The following MAML3 variants were observed in gnomAD, a reference collection of about 807,000 sequenced individuals.
MAML3 encodes mastermind-like protein 3.
MAML3 carries 27 observed loss-of-function variants against 101.9 expected under a neutral mutation model. The ratio of observed to expected loss-of-function variants is 0.27; its 90% CI spans 0.20 to 0.37. The LOEUF (loss-of-function observed/expected upper bound fraction) is 0.37, where lower values mean the gene tolerates loss of function less well. MAML3 is among the 10% of genes least tolerant of loss of function. The probability of loss-of-function intolerance (pLI) is 1.00; values close to 1 mark genes in which losing one functional copy is unlikely to be tolerated. For synonymous variants in MAML3, 501 were observed against 555.9 expected, an observed-to-expected ratio of 0.90 and a Z score of 1.39; for missense variants, 1,316 against 1,444.9, an observed-to-expected ratio of 0.91 and a Z score of 1.45.
chr4:140,081,008 C>A (rs912807117), intron 1 of MAML3, among the ~76,000 whole-genome samples: 10 of 152,142 alleles, frequency 6.6e-5, no homozygotes, highest in African/African-American at 2.4e-4. Flanking sequence ...TAGGTGGGTT[C>A]TTCCCCCTAA....
chr4:140,141,266 C>A (rs1167694725), intron 1 of MAML3, among the ~76,000 whole-genome samples: 1 of 152,202 alleles, frequency 6.6e-6, no homozygotes, highest in African/African-American at 2.4e-5. Flanking sequence ...ATAATGAAAA[C>A]TGATAGGACT....
intron 1 of MAML3, among the ~76,000 whole-genome samples, chr4:139,939,863 C>T (rs1733568126): frequency 1.3e-5 from 2 of 150,578 alleles, no homozygotes; most frequent in South Asian, 2.1e-4. Context: ...CTCCTCGATT[C>T]AAGCGATTCT....
intron 1 of MAML3, among the ~76,000 whole-genome samples, chr4:139,980,123 T>A (rs1734418318): frequency 6.6e-6 from 1 of 152,218 alleles, no homozygotes; most frequent in South Asian, 2.1e-4. Flanking sequence ...CAGCCCGGAC[T>A]CCAGCTAGCT....
intron 2 of MAML3, among the ~76,000 whole-genome samples, chr4:139,846,120 C>A (rs1037843892): frequency 9.9e-5 from 15 of 152,088 alleles, no homozygotes; most frequent in African/African-American, 3.4e-4. Flanking sequence ...TTATGCAAAT[C>A]TTGATAGATC....
intron 1 of MAML3, among the ~76,000 whole-genome samples, chr4:140,034,989 A>T (rs906619367): frequency 7.9e-5 from 12 of 152,152 alleles, no homozygotes; most frequent in African/African-American, 2.9e-4. Context: ...TTCTTTTTTG[A>T]GATGGAGTCT....
chr4:139,984,296 A>G (rs1254044563), intron 1 of MAML3, among the ~76,000 whole-genome samples: 1 of 152,166 alleles, frequency 6.6e-6, no homozygotes, highest in African/African-American at 2.4e-5. Flanking sequence ...AAATAGATGG[A>G]TGGTGATATC....
At position 140,099,872 on chromosome 4, in the gene MAML3, C is replaced by T. The variant is rs147709963; in HGVS notation, c.468+52988G>A. On this transcript the variant is annotated intron_variant, in intron 1 of 4. Transcript: ENST00000509479. ...TTTGTCTACTACTCCTTCAAACCATCCCAAACCTGCTATTACAAACAACAT... is the reference window on the plus strand; with the variant it reads ...TTTGTCTACTACTCCTTCAAACCATTCCAAACCTGCTATTACAAACAACAT... Among the ~76,000 whole-genome samples, 444 of 152,254 alleles carry T rather than the reference C, an allele frequency of 2.9e-3. 2 individuals carry two copies. Among genetic ancestry groups the T allele is most frequent in the African/African-American group, 0.01 (432 of 41,530 alleles).
intron 2 of MAML3, among the ~76,000 whole-genome samples, chr4:139,864,632 C>T (rs985545249): frequency 1.5e-5 from 2 of 133,274 alleles, no homozygotes; most frequent in South Asian, 2.4e-4. Context: ...GCCAAGATCG[C>T]GTCACTGCCC....
intron 2 of MAML3, among the ~76,000 whole-genome samples, chr4:139,865,503 T>TTG (rs60788410): frequency 0.28 from 41,953 of 149,652 alleles, 7,145 homozygotes; most frequent in East Asian, 0.7. Flanking sequence ...TTTGTTTTTT[T>TTG]TTTTTTTCAT....
chr4:139,895,284 A>G (rs1732587337), intron 1 of MAML3, among the ~76,000 whole-genome samples: 1 of 152,264 alleles, frequency 6.6e-6, no homozygotes, highest in African/African-American at 2.4e-5. Context: ...CTGGTTCTTA[A>G]GAAATGTTGG....
At chr4:139,823,552 T>C (rs995643720) in intron 2 of MAML3, among the ~76,000 whole-genome samples, 1 of 152,146 alleles carries the variant, frequency 6.6e-6, no homozygotes, top group African/African-American at 2.4e-5. Flanking sequence ...GCATGTGGGC[T>C]CTGCTCTGGG....
At chr4:140,092,088 G>A (rs76824524) in intron 1 of MAML3, among the ~76,000 whole-genome samples, 18 of 76,104 alleles carry the variant, frequency 2.4e-4, no homozygotes, top group Admixed American at 1.5e-3. Context: ...ATATATATAC[G>A]TATATATATA....
chr4:139,786,384 G>A (rs759656079), intron 2 of MAML3, among the ~76,000 whole-genome samples: 19 of 152,018 alleles, frequency 1.2e-4, no homozygotes, highest in Non-Finnish European at 2.6e-4. Flanking sequence ...GGTATTTGGG[G>A]GATTGATTTC....
chr4:139,831,595 A>G (rs1415388923), intron 2 of MAML3, among the ~76,000 whole-genome samples: 2 of 152,162 alleles, frequency 1.3e-5, no homozygotes, highest in African/African-American at 2.4e-5. Flanking sequence ...CCAGAAGAGT[A>G]TTTCTCACCT....
chr4:140,070,862 T>C (rs1289609273), intron 1 of MAML3, among the ~76,000 whole-genome samples: 7 of 152,204 alleles, frequency 4.6e-5, no homozygotes, highest in Non-Finnish European at 4.4e-5. Flanking sequence ...TTAAACATCA[T>C]TAGGAAGTAG....
At chr4:139,923,001 G>A (rs1733155676) in intron 1 of MAML3, among the ~76,000 whole-genome samples, 1 of 152,162 alleles carries the variant, frequency 6.6e-6, no homozygotes, top group Non-Finnish European at 1.5e-5. Flanking sequence ...CTGCACCCCA[G>A]TGCTCAGAAG....
intron 1 of MAML3, among the ~76,000 whole-genome samples, chr4:140,093,212 T>C (rs766744592): frequency 6.6e-6 from 1 of 152,218 alleles, no homozygotes; most frequent in African/African-American, 2.4e-5. Context: ...TGCCATATTA[T>C]AGACTGGTGA....
chr4:140,120,828 T>C (rs1728595649), intron 1 of MAML3, among the ~76,000 whole-genome samples: 1 of 152,196 alleles, frequency 6.6e-6, no homozygotes, highest in African/African-American at 2.4e-5. Context: ...GCAGTAACGT[T>C]CGGTTCACAA....
In MAML3 at chr4:139,890,776, T is replaced by C. The variant is rs376480268; in HGVS notation, c.660A>G (p.Gln220=). 2.7e-5 allele frequency: 44 copies of C among 1,613,780 alleles called. No homozygotes were observed. Among genetic ancestry groups the C allele is most frequent in the Non-Finnish European group, 3.6e-5 (43 of 1,179,818 alleles). Residue 220 remains glutamine, a synonymous_variant, in exon 2 of 5, where the codon CAA becomes CAG. Transcript: ENST00000509479. The surrounding 1 kb of genome is among the most constrained non-coding windows in gnomAD (Gnocchi z 4.1). The part of the protein sequence containing the change: ...MPLPSASPLH[Q]LDLKPSLPLQ... ...AGGGCAAAGAAGGTTTCAGGTCAAG[T>C]TGGTGAAGAGGAGAAGCTGAAGGCA...
Sources: gnomAD v4.1 joint callset for allele counts (sites outside exome capture counted in the v4.1 genomes callset) on GRCh38, gnomAD v4.1.1 for gene constraint, Gnocchi (gnomAD v3.1) non-coding constraint, MANE v1.5 for transcripts, NCBI Gene and HGNC (gene_info 2026-07-23, HGNC 2026-07-21) for gene names.